The following DOCK9 variants were observed in gnomAD, a reference collection of about 807,000 sequenced individuals.
DOCK9 encodes dedicator of cytokinesis protein 9.
DOCK9 carries 89 observed loss-of-function variants against 263.3 expected under a neutral mutation model. The observed-to-expected ratio is 0.34, with a 90% CI of 0.28 to 0.40. DOCK9 has a LOEUF of 0.40. Among genes scored for constraint, DOCK9 ranks in the 10% least tolerant of loss-of-function variants. The pLI is 1.00. For missense variants in DOCK9, 2,140 were observed against 2,603.4 expected (o/e 0.82, Z 3.87); for synonymous variants, 976 against 973.1 (o/e 1.00, Z -0.06).
At position 98,824,392 on chromosome 13, in the gene DOCK9, A is replaced by C. The variant is rs1419436615; in HGVS notation, c.5130+6T>G. ...CCTGAAAGCCCACATGAGTTCAAGC[A>C]CGCACCTCGTTGAAATGGACATCCT... On this transcript the variant is annotated splice_donor_region_variant and intron_variant, in intron 45 of 52. Transcript: ENST00000682017. 5 of 1,613,478 alleles carry C rather than the reference A, an allele frequency of 3.1e-6. No individual in the cohort carries two copies. Among genetic ancestry groups the C allele is most frequent in the Non-Finnish European group, 4.2e-6 (5 of 1,179,498 alleles).
intron 13 of DOCK9, among the ~76,000 whole-genome samples, chr13:98,900,055 T>A (rs1271057279): frequency 6.6e-6 from 1 of 152,216 alleles, no homozygotes; most frequent in Non-Finnish European, 1.5e-5. Context: ...CTGCCAAAAC[T>A]GTGCTAAAGT....
At chr13:98,902,662 C>A (rs2048468667) in intron 11 of DOCK9, among the ~76,000 whole-genome samples, 171 bp from the exon 12 acceptor site, 1 of 152,200 alleles carries the variant, frequency 6.6e-6, no homozygotes, top group Non-Finnish European at 1.5e-5. Context: ...TTTTAGGAAA[C>A]AAACAAAACA....
intron 2 of DOCK9, among the ~76,000 whole-genome samples, chr13:98,944,183 T>A (rs2056374120): frequency 6.6e-6 from 1 of 152,186 alleles, no homozygotes; most frequent in Non-Finnish European, 1.5e-5. Flanking sequence ...AATGATGGAC[T>A]ACTGGGTTCA....
intron 1 of DOCK9, among the ~76,000 whole-genome samples, chr13:99,021,346 T>C (rs772804076): frequency 6.6e-6 from 1 of 152,040 alleles, no homozygotes; most frequent in Non-Finnish European, 1.5e-5. Flanking sequence ...AAAAAATGAT[T>C]TAAAGAGGGA....
intron 27 of DOCK9, among the ~76,000 whole-genome samples, chr13:98,869,258 T>C (rs758724793): frequency 7.2e-5 from 11 of 152,252 alleles, no homozygotes; most frequent in Non-Finnish European, 1.2e-4. Flanking sequence ...CTAACACTTA[T>C]GTATATCTTC....
At chr13:98,976,925 C>A (rs144967223) in intron 1 of DOCK9, among the ~76,000 whole-genome samples, 1,698 of 121,480 alleles carry the variant, frequency 0.014, 16 homozygotes, top group Non-Finnish European at 0.018. Flanking sequence ...ATCAACTGAA[C>A]CTCCACGTTA....
intron 35 of DOCK9, among the ~76,000 whole-genome samples, chr13:98,852,885 C>T (rs556468901): frequency 1.3e-5 from 2 of 152,294 alleles, no homozygotes; most frequent in South Asian, 4.1e-4. Flanking sequence ...GAAACATAAT[C>T]TACTATGATA....
chr13:98,941,882 C>T (rs950028953), intron 2 of DOCK9, among the ~76,000 whole-genome samples: 3 of 152,228 alleles, frequency 2.0e-5, no homozygotes, highest in Non-Finnish European at 2.9e-5. Flanking sequence ...GTAGCAAGGG[C>T]GTGCAGAGCT....
intron 48 of DOCK9, among the ~76,000 whole-genome samples, chr13:98,807,387 G>A (rs1004837208): frequency 6.6e-6 from 1 of 152,144 alleles, no homozygotes; most frequent in African/African-American, 2.4e-5. Context: ...TTCTGTCAGA[G>A]TTTCTAAATA....
chr13:98,947,753 G>A (rs1277720121), intron 2 of DOCK9, among the ~76,000 whole-genome samples: 4 of 151,994 alleles, frequency 2.6e-5, no homozygotes, highest in African/African-American at 4.8e-5. Context: ...TAATCTGCCC[G>A]CCTCAGCCTC....
chr13:98,853,460 C>G lies in DOCK9; in HGVS notation c.3894G>C (p.Glu1298Asp). 2 of 1,613,768 alleles carry G rather than the reference C, an allele frequency of 1.2e-6. No individual in the cohort carries two copies. The highest frequency in any genetic ancestry group is 1.7e-6 in the Non-Finnish European group (2 of 1,179,802). ...GGAAACACATCAGTAGGCTCTTAAT[C>G]TCAGACTGGTCAAGTTTATCACAGC... Reference protein sequence around the residue: ...VVRCDKLDQSEIKSLLMCFLY... With the variant: ...VVRCDKLDQSDIKSLLMCFLY... The change falls in exon 35 of 53, where the codon GAG becomes GAC. Residue 1298 changes from glutamate to aspartate, a missense_variant. Physicochemically the swap from Glu to Asp is conservative, Grantham distance 45. Coordinates refer to ENST00000682017, the MANE Select transcript of DOCK9 (RefSeq NM_001366683.2).
intron 1 of DOCK9, among the ~76,000 whole-genome samples, chr13:99,002,128 C>A (rs2141843583): frequency 6.6e-6 from 1 of 152,316 alleles, no homozygotes; most frequent in South Asian, 2.1e-4. Context: ...CAAGTAAATT[C>A]TAGTAAAAAG....
At chr13:98,877,378 A>C (rs1760221907) in intron 27 of DOCK9, among the ~76,000 whole-genome samples, 1 of 152,224 alleles carries the variant, frequency 6.6e-6, no homozygotes, top group Non-Finnish European at 1.5e-5. Context: ...AATTCTCAGA[A>C]AGGTGTCACT....
chr13:99,076,111 G>A (rs1178637879), intron 1 of DOCK9, among the ~76,000 whole-genome samples: 2 of 151,990 alleles, frequency 1.3e-5, no homozygotes, highest in Non-Finnish European at 2.9e-5. Flanking sequence ...GAAAGTAAAA[G>A]TATAAAATAA....
upstream of DOCK9, chr13:99,088,549 T>C (rs944815526): frequency 6.6e-6 from 1 of 152,226 alleles, no homozygotes; most frequent in Non-Finnish European, 1.5e-5. Context: ...CTTGTTACCT[T>C]GGCTCTCTAA....
At position 98,963,053 on chromosome 13, in the gene DOCK9, T is replaced by C. The variant is rs545028347; in HGVS notation, c.127-7502A>G. ...GTGGGTGGGGAGAAAGAGCTCCTCATCTCAAGGGACAACATGGACACAGGT... is the reference window on the plus strand; with the variant it reads ...GTGGGTGGGGAGAAAGAGCTCCTCACCTCAAGGGACAACATGGACACAGGT... On this transcript the variant is annotated intron_variant, in intron 1 of 52. Coordinates refer to ENST00000682017, the MANE Select transcript of DOCK9 (RefSeq NM_001366683.2). 9.2e-5 allele frequency among the ~76,000 whole-genome samples: 14 copies of C among 152,198 alleles called. No individual in the cohort carries two copies. The East Asian group carries it at 2.7e-3, about 29-fold the overall frequency.
In DOCK9 at chr13:98,943,531, G is replaced by C. The variant is rs568717840; in HGVS notation, c.243+11904C>G. Among the ~76,000 whole-genome samples the C allele has an allele frequency of 2.7e-5, 4 of 150,902 alleles. No homozygotes were observed. The South Asian group carries it at 8.5e-4, about 32-fold the overall frequency. On this transcript the variant is annotated intron_variant, in intron 2 of 52. Coordinates refer to ENST00000682017, the MANE Select transcript of DOCK9 (RefSeq NM_001366683.2). Reference sequence around the variant, plus strand: ...TCCTTTAAGGACTCTTCGTTTGTGTGTGTTCGTTTTTGCATGCAAATTTAC... The same window carrying C: ...TCCTTTAAGGACTCTTCGTTTGTGTCTGTTCGTTTTTGCATGCAAATTTAC...
chr13:98,893,128 C>T (rs1377557202), intron 15 of DOCK9, among the ~76,000 whole-genome samples: 1 of 152,090 alleles, frequency 6.6e-6, no homozygotes, highest in African/African-American at 2.4e-5. Flanking sequence ...GAGGGAAGTC[C>T]CCAGTGGGTT....
At chr13:98,917,846 C>T (rs1221211754) in intron 7 of DOCK9, among the ~76,000 whole-genome samples, 3 of 152,068 alleles carry the variant, frequency 2.0e-5, no homozygotes, top group Non-Finnish European at 4.4e-5. Context: ...TGATCTGGCA[C>T]CTTTGAGCCG....
Sources: gnomAD v4.1 joint callset for allele counts (sites outside exome capture counted in the v4.1 genomes callset) on GRCh38, gnomAD v4.1.1 for gene constraint, MANE v1.5 for transcripts, NCBI Gene and HGNC (gene_info 2026-07-23, HGNC 2026-07-21) for gene names.